The following ADCYAP1 variants were observed in gnomAD, a reference collection of about 807,000 sequenced individuals.
ADCYAP1 encodes the protein pituitary adenylate cyclase-activating polypeptide.
ADCYAP1 carries 6 observed loss-of-function variants against 18.5 expected under a neutral mutation model. The observed-to-expected ratio is 0.32, with a 90% CI of 0.18 to 0.64. ADCYAP1 has a LOEUF of 0.64. Among genes scored for constraint, ADCYAP1 ranks in the 30% least tolerant of loss-of-function variants. ADCYAP1 has a pLI of 0.77. For synonymous variants in ADCYAP1, 136 were observed against 113.9 expected, an observed-to-expected ratio of 1.19 and a Z score of -1.24; for missense variants, 314 against 253.6, an observed-to-expected ratio of 1.24 and a Z score of -1.62.
At position 907,746 on chromosome 18, in the gene ADCYAP1, C is replaced by G; in HGVS notation, c.198C>G (p.Ser66=). The G allele has an allele frequency of 6.6e-7, 1 of 1,507,218 alleles. No individual in the cohort carries two copies. The highest frequency in any genetic ancestry group is 1.2e-5 in the South Asian group (1 of 80,776). The allele number at this position is 1,507,218 out of a possible 1,614,324, so 93.4% of individuals were successfully genotyped here. A position where few individuals can be genotyped will look rare whatever the true frequency, so the allele number is the denominator to read the frequency against. The change falls in exon 3 of 5, where the codon TCC becomes TCG. Residue 66 remains serine (S), a synonymous_variant. Transcript: ENST00000450565. ...SEPPGAGSPA[S]APRAAAAWYR... is the part of the protein sequence containing the mutation. ...CGCCGGGCGCAGGGAGCCCCGCCTC[C>G]GCGCCGCGCGCCGCCGCCGCCTGGT...
chr18:912,018 G>A lies in ADCYAP1; in HGVS notation c.*2383G>A, dbSNP rs1475069198. ...TTATGATATAGTGATAATTTAGGTA[G>A]ATGTTAGTCTTGAAGCTCTTATTTT... On this transcript the variant is annotated 3_prime_UTR_variant, in exon 5 of 5. Transcript: ENST00000450565. 1.3e-5 allele frequency: 2 copies of A among 152,166 alleles called. No homozygotes were observed. Among genetic ancestry groups the A allele is most frequent in the Non-Finnish European group, 2.9e-5 (2 of 68,034 alleles). The allele number at this position is 152,166 out of a possible 1,614,324, so 9.4% of individuals were successfully genotyped here. A position where few individuals can be genotyped will look rare whatever the true frequency, so the allele number is the denominator to read the frequency against.
upstream of ADCYAP1, chr18:904,545 A>G (rs558107244): frequency 8.6e-5 from 111 of 1,289,066 alleles, 1 homozygote; most frequent in South Asian, 1.2e-3. Context: ...AACCAGCGGT[A>G]GCAGCAGCAG....
At chr18:904,549 G>A (rs576360843), upstream of ADCYAP1, 5 of 1,289,056 alleles carry the variant, frequency 3.9e-6, no homozygotes, top group South Asian at 6.2e-5. Context: ...AGCGGTAGCA[G>A]CAGCAGAAGC....
chr18:906,056 GGGGGCGTGC>G (rs1909158289), intron 2 of ADCYAP1: 1 of 153,556 alleles, frequency 6.5e-6, no homozygotes, highest in South Asian at 2.1e-4. Context: ...GGCTGTCTTG[GGGGGCGTGC>G]GGTGGGGAGG....
chr18:908,470 G>T (rs2231186), intron 4 of ADCYAP1, 107 bp downstream of exon 4: 2 of 886,886 alleles, frequency 2.3e-6, no homozygotes, highest in South Asian at 3.6e-5. Context: ...GTGAGTCTGC[G>T]CCCCTGGGTC....
intron 4 of ADCYAP1, 113 bp from the exon 5 acceptor site, chr18:909,333 G>T: frequency 9.4e-7 from 1 of 1,059,412 alleles, no homozygotes; most frequent in South Asian, 1.7e-5. Flanking sequence ...GGCAGTGCGA[G>T]CCCCGGGCCC....
In ADCYAP1 at chr18:909,897, TATATATATAA is replaced by T. The variant is rs1567855352; in HGVS notation, c.*264_*273del. 3 of 109,086 alleles carry T rather than the reference TATATATATAA, an allele frequency of 2.8e-5. No homozygotes were observed. In the East Asian group the frequency reaches 7.6e-4, roughly 28 times the overall value. The allele number at this position is 109,086 out of a possible 1,614,324, so 6.8% of individuals were successfully genotyped here. Reference sequence around the variant, plus strand: ...GAATATATATATATATATATATATATATATATATAAAGTATAGAGAGAAGTTCATACAAAG... The same window carrying T: ...GAATATATATATATATATATATATATAGTATAGAGAGAAGTTCATACAAAG... On this transcript the variant is annotated 3_prime_UTR_variant, in exon 5 of 5. Coordinates refer to ENST00000450565, the MANE Select transcript of ADCYAP1 (RefSeq NM_001099733.2).
At chr18:909,247 G>C (rs982514297) in intron 4 of ADCYAP1, among the ~76,000 whole-genome samples, 199 bp from the exon 5 acceptor site, 3 of 152,226 alleles carry the variant, frequency 2.0e-5, no homozygotes, top group Non-Finnish European at 4.4e-5. Flanking sequence ...GATCCTGCGT[G>C]GGGAGGGGGG....
At chr18:905,866 G>T (rs1441004418) in intron 2 of ADCYAP1, 1 of 270,986 alleles carries the variant, frequency 3.7e-6, no homozygotes, top group Non-Finnish European at 7.0e-6. Flanking sequence ...TTCAGCTCTG[G>T]AGCCTGGCCG....
intron 3 of ADCYAP1, 184 bp from the exon 4 acceptor site, chr18:908,081 G>C (rs1882807961): frequency 1.5e-6 from 1 of 668,288 alleles, no homozygotes; most frequent in Admixed American, 3.0e-5. Flanking sequence ...GCCGGGACTA[G>C]CTCCCGATCC....
chr18:904,613 C>T (rs1286757370), upstream of ADCYAP1: 10 of 1,255,678 alleles, frequency 8.0e-6, no homozygotes, highest in South Asian at 1.3e-4. Flanking sequence ...CGCCGCCGAC[C>T]CTCGCGGCTG....
intron 3 of ADCYAP1, 32 bp from the exon 4 acceptor site, chr18:908,233 G>A: frequency 6.3e-7 from 1 of 1,586,274 alleles, no homozygotes; most frequent in East Asian, 2.3e-5. Context: ...CAGAAACAGT[G>A]ACCCTGGGCG....
At position 907,715 on chromosome 18, in the gene ADCYAP1, C is replaced by G; in HGVS notation, c.167C>G (p.Ser56Trp). ...AACCCGCTGCCAGACTTCGATGGCTCGGAGCCGCCGGGCGCAGGGAGCCCC... is the reference window on the plus strand; with the variant it reads ...AACCCGCTGCCAGACTTCGATGGCTGGGAGCCGCCGGGCGCAGGGAGCCCC... Reference protein sequence around the residue: ...DGNPLPDFDGSEPPGAGSPAS... With the variant: ...DGNPLPDFDGWEPPGAGSPAS... Residue 56 changes from serine to tryptophan, a missense_variant, in exon 3 of 5, where the codon TCG (serine) becomes TGG (tryptophan). Transcript: ENST00000450565. 6.5e-7 allele frequency: 1 copy of G among 1,542,750 alleles called. No homozygotes were observed. The highest frequency in any genetic ancestry group is 8.7e-7 in the Non-Finnish European group (1 of 1,151,850).
In ADCYAP1 at chr18:910,355, C is replaced by T. The variant is rs1344151587; in HGVS notation, c.*720C>T. On this transcript the variant is annotated 3_prime_UTR_variant, in exon 5 of 5. Coordinates refer to ENST00000450565, the MANE Select transcript of ADCYAP1 (RefSeq NM_001099733.2). ...AAATTCTCCTGATAAAACAACAGCT[C>T]GATCCAAATTGTGCTTCTCCCCAGA... 6.6e-6 allele frequency: 1 copy of T among 152,222 alleles called. No homozygotes were observed. Among genetic ancestry groups the T allele is most frequent in the African/African-American group, 2.4e-5 (1 of 41,448 alleles). The allele number at this position is 152,222 out of a possible 1,614,324, so 9.4% of individuals were successfully genotyped here.
At chr18:905,559 C>A in intron 2 of ADCYAP1, 63 bp downstream of exon 2, 1 of 1,571,838 alleles carries the variant, frequency 6.4e-7, no homozygotes, top group Non-Finnish European at 8.6e-7. Context: ...CGCTTCCTCA[C>A]GGTCTCCTTC....
upstream of ADCYAP1, chr18:904,550 C>A (rs543454933): frequency 3.9e-6 from 5 of 1,289,050 alleles, no homozygotes; most frequent in South Asian, 6.2e-5. Flanking sequence ...GCGGTAGCAG[C>A]AGCAGAAGCC....
In ADCYAP1 at chr18:909,851, T is replaced by C; in HGVS notation, c.*216T>C. On this transcript the variant is annotated 3_prime_UTR_variant, in exon 5 of 5. Coordinates refer to ENST00000450565, the MANE Select transcript of ADCYAP1 (RefSeq NM_001099733.2). ...ATACTTTGTGGACCAATTATTGATA[T>C]ATATTATAAATATATATAAAGAATA... 6.3e-6 allele frequency: 1 copy of C among 157,742 alleles called. No homozygotes were observed. The highest frequency in any genetic ancestry group is 3.1e-3 in the Middle Eastern group (1 of 318). 9.8% of individuals were successfully genotyped at this position (157,742 alleles called of 1,614,324 possible).
rs1380314162 is a variant in ADCYAP1, at chr18:911,608, T to A, written c.*1973T>A. 1 of 152,238 alleles carries A rather than the reference T, an allele frequency of 6.6e-6. No individual in the cohort carries two copies. The highest frequency in any genetic ancestry group is 1.9e-4 in the East Asian group (1 of 5,202). 9.4% of individuals were successfully genotyped at this position (152,238 alleles called of 1,614,324 possible). On this transcript the variant is annotated 3_prime_UTR_variant, in exon 5 of 5. Transcript: ENST00000450565. ...AGTGAAAACAGAGGCATTCGGTCTA[T>A]GCCTGAGTCCTGTGTATAGGATCAA... is the stretch of plus-strand genomic sequence containing the variant.
intron 2 of ADCYAP1, chr18:905,762 A>ACC (rs199521613): frequency 6.5e-5 from 31 of 474,370 alleles, no homozygotes; most frequent in African/African-American, 5.7e-4. Flanking sequence ...CCGCTGGAGA[A>ACC]CCCCCCCTCC....
Sources: gnomAD v4.1 joint callset for allele counts (sites outside exome capture counted in the v4.1 genomes callset) on GRCh38, gnomAD v4.1.1 for gene constraint, MANE v1.5 for transcripts, NCBI Gene and HGNC (gene_info 2026-07-23, HGNC 2026-07-21) for gene names.